Variants in LCLAT1 observed in about 807,000 individuals in gnomAD.
The protein encoded by LCLAT1 is 1-AGP acyltransferase 8.
A neutral mutation model predicts 30.7 loss-of-function variants in LCLAT1; 11 were observed. The ratio of observed to expected loss-of-function variants is 0.36; its 90% CI spans 0.23 to 0.59. LCLAT1 has a LOEUF of 0.59. LCLAT1 is among the 20% of genes least tolerant of loss of function. The pLI is 0.77. For missense variants in LCLAT1, 402 were observed against 458.6 expected (o/e 0.88, Z 1.13); for synonymous variants, 155 against 151.3 (o/e 1.02, Z -0.18).
In LCLAT1 at chr2:30,608,444, G is replaced by A. The variant is rs116747883; in HGVS notation, c.629-31673G>A. On this transcript the variant is annotated intron_variant, in intron 5 of 5. Transcript: ENST00000379509. ...AAAGTCTACAGTAGTGTACAGTGGT[G>A]TCCTAGGCCTTCACATTCACTCACC... Among the ~76,000 whole-genome samples, 1,263 of 152,066 alleles carry A rather than the reference G, an allele frequency of 8.3e-3. 22 individuals carry two copies. The highest frequency in any genetic ancestry group is 0.029 in the African/African-American group (1,213 of 41,500).
chr2:30,616,029 T>A (rs777090036), intron 5 of LCLAT1, among the ~76,000 whole-genome samples: 3 of 152,156 alleles, frequency 2.0e-5, no homozygotes, highest in Admixed American at 6.6e-5. Flanking sequence ...GAGTTAGTCT[T>A]CACAGTTTAC....
At chr2:30,514,169 G>A (rs1280587013) in intron 1 of LCLAT1, among the ~76,000 whole-genome samples, 1 of 152,180 alleles carries the variant, frequency 6.6e-6, no homozygotes, top group Non-Finnish European at 1.5e-5. Flanking sequence ...AAGTACTACT[G>A]ATAAATCAGC....
intron 3 of LCLAT1, among the ~76,000 whole-genome samples, chr2:30,551,083 A>G (rs538665079): frequency 2.0e-5 from 3 of 152,216 alleles, no homozygotes; most frequent in South Asian, 2.1e-4. Flanking sequence ...GGCTCAAGCA[A>G]TCCTTCCGCC....
At chr2:30,510,562 T>A (rs1398116128) in intron 1 of LCLAT1, among the ~76,000 whole-genome samples, 2 of 152,212 alleles carry the variant, frequency 1.3e-5, no homozygotes, top group Non-Finnish European at 2.9e-5. Flanking sequence ...GGTGAACATC[T>A]GTTTTCATCC....
intron 3 of LCLAT1, among the ~76,000 whole-genome samples, chr2:30,546,693 G>A (rs186822188): frequency 1.1e-4 from 16 of 152,222 alleles, no homozygotes; most frequent in African/African-American, 2.9e-4. Flanking sequence ...ACAAAGAATA[G>A]ATGTCTGTTT....
chr2:30,562,886 A>T (rs1665305663), intron 4 of LCLAT1, among the ~76,000 whole-genome samples: 1 of 152,032 alleles, frequency 6.6e-6, no homozygotes, highest in South Asian at 2.1e-4. Context: ...AATTTCAGTT[A>T]TTGTTGATTT....
intron 5 of LCLAT1, among the ~76,000 whole-genome samples, chr2:30,568,864 C>CAAAAA (rs61325694): frequency 0.19 from 17,137 of 88,680 alleles, 1,921 homozygotes; most frequent in East Asian, 0.34. Flanking sequence ...TCATGAATAG[C>CAAAAA]AAAAAAAAAA....
rs373308395 is a variant in LCLAT1 at position 30,513,849 on chromosome 2, A to G, written c.-4-11738A>G. ...CTGCTTCGAGTTGTCCCGCCTTTCC[A>G]GATAGAACCAAATGTTCATCTTACA... On this transcript the variant is annotated intron_variant, in intron 1 of 5. Coordinates refer to ENST00000379509, the MANE Select transcript of LCLAT1 (RefSeq NM_001002257.3). Among the ~76,000 whole-genome samples the G allele has an allele frequency of 3.9e-5, 6 of 152,338 alleles. No homozygotes were observed. In the East Asian group the frequency reaches 9.7e-4, roughly 25 times the overall value.
intron 5 of LCLAT1, among the ~76,000 whole-genome samples, chr2:30,608,118 C>G (rs765736445): frequency 2.0e-5 from 3 of 151,724 alleles, no homozygotes; most frequent in Non-Finnish European, 4.4e-5. Context: ...GTCGGGAGTT[C>G]AAGACTAGCC....
At chr2:30,448,007 A>G (rs1308140642) in intron 1 of LCLAT1, among the ~76,000 whole-genome samples, 4 of 152,202 alleles carry the variant, frequency 2.6e-5, no homozygotes, top group Non-Finnish European at 4.4e-5. Context: ...CGTAGCTTCT[A>G]ATTGCCCATT....
At chr2:30,476,909 A>T (rs966598259) in intron 1 of LCLAT1, among the ~76,000 whole-genome samples, 1 of 152,194 alleles carries the variant, frequency 6.6e-6, no homozygotes, top group Non-Finnish European at 1.5e-5. Flanking sequence ...TGTCATACTT[A>T]AGTGTGTGAT....
chr2:30,586,430 T>C (rs1029801970), intron 5 of LCLAT1, among the ~76,000 whole-genome samples: 1 of 152,166 alleles, frequency 6.6e-6, no homozygotes, highest in Non-Finnish European at 1.5e-5. Flanking sequence ...GACTCCAGTC[T>C]TTATATGGCC....
At chr2:30,587,037 T>G (rs1405770864) in intron 5 of LCLAT1, among the ~76,000 whole-genome samples, 1 of 152,198 alleles carries the variant, frequency 6.6e-6, no homozygotes, top group African/African-American at 2.4e-5. Context: ...ACCTCTTAGA[T>G]TCCGCTAAAC....
chr2:30,639,002 C>T (rs972936903), intron 5 of LCLAT1, among the ~76,000 whole-genome samples: 7 of 152,256 alleles, frequency 4.6e-5, no homozygotes, highest in Admixed American at 2.6e-4. Flanking sequence ...GGTCACTGCC[C>T]GCAGAGAGTA....
intron 5 of LCLAT1, among the ~76,000 whole-genome samples, chr2:30,620,031 A>G (rs549941655): frequency 6.6e-6 from 1 of 152,218 alleles, no homozygotes; most frequent in Non-Finnish European, 1.5e-5. Flanking sequence ...AATAGGCAAC[A>G]TTCGTTGATC....
At chr2:30,522,163 G>T (rs973811730) in intron 1 of LCLAT1, among the ~76,000 whole-genome samples, 19 of 152,120 alleles carry the variant, frequency 1.2e-4, no homozygotes, top group African/African-American at 3.1e-4. Context: ...GAATAATTAC[G>T]TATAGGTTTT....
At chr2:30,601,678 T>TAGATGTAG (rs757880483) in intron 5 of LCLAT1, among the ~76,000 whole-genome samples, 1 of 150,860 alleles carries the variant, frequency 6.6e-6, no homozygotes, top group African/African-American at 2.5e-5. Context: ...AGATGCACTT[T>TAGATGTAG]AAAACAATAT....
chr2:30,599,690 C>T (rs1480425417), intron 5 of LCLAT1, among the ~76,000 whole-genome samples: 1 of 151,980 alleles, frequency 6.6e-6, no homozygotes, highest in Non-Finnish European at 1.5e-5. Context: ...AACCCTTTAT[C>T]ATTATATAAT....
chr2:30,495,567 A>G (rs537054080), intron 1 of LCLAT1, among the ~76,000 whole-genome samples: 25 of 152,348 alleles, frequency 1.6e-4, no homozygotes, highest in African/African-American at 5.8e-4. Context: ...AAGAAGAAGA[A>G]GAAAGAAAAA....
Sources: allele counts gnomAD v4.1 joint callset (sites outside exome capture counted in the v4.1 genomes callset), GRCh38; gene constraint gnomAD v4.1.1; transcripts MANE v1.5; gene names NCBI Gene and HGNC (gene_info 2026-07-23, HGNC 2026-07-21).